Variants in HS3ST4 observed in about 807,000 individuals in gnomAD.
HS3ST4 encodes heparan sulfate glucosamine 3-O-sulfotransferase 4.
HS3ST4 carries 17 observed loss-of-function variants against 29.2 expected under a neutral mutation model. The observed-to-expected ratio is 0.58, with a 90% confidence interval of 0.40 to 0.87. The LOEUF is 0.87. HS3ST4 is among the 40% of genes least tolerant of loss of function. The pLI is 0.00. For synonymous variants in HS3ST4, 314 were observed against 285.7 expected (o/e 1.10, Z -1.00); for missense variants, 627 against 634.5 (o/e 0.99, Z 0.13).
At chr16:25,932,472 G>A (rs2141688186) in intron 1 of HS3ST4, among the ~76,000 whole-genome samples, 1 of 152,266 alleles carries the variant, frequency 6.6e-6, no homozygotes, top group South Asian at 2.1e-4. Flanking sequence ...AGTGGTAACT[G>A]CCATTTTTTT....
intron 1 of HS3ST4, chr16:25,887,055 A>G (rs1332869016): frequency 6.6e-6 from 1 of 152,114 alleles, no homozygotes; most frequent in East Asian, 1.9e-4. Flanking sequence ...GCTTCGTGGG[A>G]TATACAGACT....
At chr16:25,881,471 T>C (rs1472075569) in intron 1 of HS3ST4, among the ~76,000 whole-genome samples, 1 of 152,188 alleles carries the variant, frequency 6.6e-6, no homozygotes, top group Non-Finnish European at 1.5e-5. Flanking sequence ...AATAAAATCC[T>C]TCGATACCAG....
At chr16:25,850,125 G>A (rs34723104) in intron 1 of HS3ST4, among the ~76,000 whole-genome samples, 2 of 151,178 alleles carry the variant, frequency 1.3e-5, no homozygotes, top group African/African-American at 4.9e-5. Flanking sequence ...TCAGTCTCTC[G>A]AGTAGCTGGG....
intron 1 of HS3ST4, among the ~76,000 whole-genome samples, chr16:26,013,383 A>G (rs896815048): frequency 2.6e-5 from 4 of 152,148 alleles, no homozygotes; most frequent in Non-Finnish European, 4.4e-5. Flanking sequence ...AATGGTGAAG[A>G]CAATATTATC....
intron 1 of HS3ST4, among the ~76,000 whole-genome samples, chr16:25,828,182 CTCTT>C (rs1449983575): frequency 6.9e-5 from 9 of 130,998 alleles, no homozygotes; most frequent in Admixed American, 1.7e-4. Context: ...CTCTCTCTTT[CTCTT>C]TCTTTCTTTT....
intron 1 of HS3ST4, among the ~76,000 whole-genome samples, chr16:25,796,466 G>A (rs1567241835): frequency 6.6e-6 from 1 of 152,170 alleles, no homozygotes; most frequent in Non-Finnish European, 1.5e-5. Flanking sequence ...GCTCAGATTT[G>A]ATATGACACT....
intron 1 of HS3ST4, among the ~76,000 whole-genome samples, chr16:26,129,355 G>A (rs921027040): frequency 2.0e-5 from 3 of 152,232 alleles, no homozygotes; most frequent in African/African-American, 4.8e-5. Flanking sequence ...GTTTGGTTAA[G>A]CATTGTCAGG....
At chr16:25,952,090 C>T (rs992899045) in intron 1 of HS3ST4, among the ~76,000 whole-genome samples, 1 of 152,198 alleles carries the variant, frequency 6.6e-6, no homozygotes, top group Non-Finnish European at 1.5e-5. Flanking sequence ...AGAACACATT[C>T]ATGCCCAACT....
chr16:26,026,109 A>G (rs1479128582), intron 1 of HS3ST4, among the ~76,000 whole-genome samples: 1 of 151,924 alleles, frequency 6.6e-6, no homozygotes, highest in Non-Finnish European at 1.5e-5. Flanking sequence ...GGGTTTTACC[A>G]TGTTGGCCAA....
intron 1 of HS3ST4, among the ~76,000 whole-genome samples, chr16:26,035,934 TC>T (rs1266349504): frequency 1.3e-5 from 2 of 152,218 alleles, no homozygotes; most frequent in African/African-American, 4.8e-5. Context: ...GAGTCCTTTC[TC>T]AAAGCCAAAT....
chr16:25,692,337 C>G lies in HS3ST4; in HGVS notation c.-81C>G, dbSNP rs867769128. On this transcript the variant is annotated 5_prime_UTR_variant, in exon 1 of 2. Coordinates refer to ENST00000331351, the MANE Select transcript of HS3ST4 (RefSeq NM_006040.3). ...GCGGCGGCGGCGGCGGCGGCGGCGG[C>G]GGGGGCGGCGGCTGAAACCATGTCC... 6 of 127,890 alleles carry G rather than the reference C, an allele frequency of 4.7e-5. No individual in the cohort carries two copies. The highest frequency in any genetic ancestry group is 2.8e-4 in the East Asian group (1 of 3,546). 7.9% of individuals were successfully genotyped at this position (127,890 alleles called of 1,614,324 possible). A position where few individuals can be genotyped will look rare whatever the true frequency, so the allele number is the denominator to read the frequency against.
At chr16:25,977,500 A>G (rs1184984537) in intron 1 of HS3ST4, among the ~76,000 whole-genome samples, 1 of 152,064 alleles carries the variant, frequency 6.6e-6, no homozygotes, top group Non-Finnish European at 1.5e-5. Context: ...AATAATACAG[A>G]CCCCTAGGAC....
At chr16:25,859,341 T>C (rs2141653871) in intron 1 of HS3ST4, among the ~76,000 whole-genome samples, 1 of 152,362 alleles carries the variant, frequency 6.6e-6, no homozygotes, top group South Asian at 2.1e-4. Flanking sequence ...ATAGCTGTAC[T>C]ATGAGTTTAC....
At chr16:25,946,211 T>C (rs1968625020) in intron 1 of HS3ST4, among the ~76,000 whole-genome samples, 1 of 152,172 alleles carries the variant, frequency 6.6e-6, no homozygotes, top group African/African-American at 2.4e-5. Flanking sequence ...GCAGGAGGCT[T>C]TTGGATTGTA....
chr16:25,828,301 C>CTCTCCCTCTCTCT (rs1555467593), intron 1 of HS3ST4, among the ~76,000 whole-genome samples: 4 of 32,882 alleles, frequency 1.2e-4, no homozygotes, highest in Non-Finnish European at 1.6e-4. Flanking sequence ...TCTTTCTTTC[C>CTCTCCCTCTCTCT]CTCTCTCTCT....
At chr16:26,044,603 T>C (rs561948535) in intron 1 of HS3ST4, among the ~76,000 whole-genome samples, 2 of 152,292 alleles carry the variant, frequency 1.3e-5, no homozygotes, top group South Asian at 4.1e-4. Flanking sequence ...TATCTCTTGT[T>C]AATTACATGG....
intron 1 of HS3ST4, among the ~76,000 whole-genome samples, chr16:25,719,229 G>A (rs1222639555): frequency 6.6e-6 from 1 of 152,194 alleles, no homozygotes; most frequent in Non-Finnish European, 1.5e-5. Context: ...AAGTTGCTGG[G>A]GCAAAGGGAG....
At chr16:26,072,323 G>C (rs544671996) in intron 1 of HS3ST4, among the ~76,000 whole-genome samples, 2 of 152,310 alleles carry the variant, frequency 1.3e-5, no homozygotes, top group Non-Finnish European at 2.9e-5. Context: ...CTAGAAGAGG[G>C]ATGTTCCGTC....
At chr16:25,977,983 C>G (rs184587935) in intron 1 of HS3ST4, among the ~76,000 whole-genome samples, 1 of 152,272 alleles carries the variant, frequency 6.6e-6, no homozygotes, top group East Asian at 1.9e-4. Flanking sequence ...CCCAAGTGTG[C>G]CATCGGCCCT....
Sources: allele counts gnomAD v4.1 joint callset (sites outside exome capture counted in the v4.1 genomes callset), GRCh38; gene constraint gnomAD v4.1.1; transcripts MANE v1.5; gene names NCBI Gene and HGNC (gene_info 2026-07-23, HGNC 2026-07-21).